Variants in HPCAL1 observed in about 807,000 individuals in gnomAD.
HPCAL1 encodes the protein hippocalcin-like protein 1.
A neutral mutation model predicts 17.1 loss-of-function variants in HPCAL1; 8 were observed. The ratio of observed to expected loss-of-function variants is 0.47; its 90% CI spans 0.27 to 0.84. The LOEUF (loss-of-function observed/expected upper bound fraction) is 0.84, where lower values mean the gene tolerates loss of function less well. Ranked by LOEUF, HPCAL1 falls within the 40% of genes least tolerant of loss-of-function variation. HPCAL1 has a pLI of 0.13. For synonymous variants in HPCAL1, 112 were observed against 111.4 expected (o/e 1.01, Z -0.03); for missense variants, 165 against 271.1 (o/e 0.61, Z 2.75).
chr2:10,306,002 C>T (rs1662599440), intron 1 of HPCAL1, among the ~76,000 whole-genome samples: 2 of 152,310 alleles, frequency 1.3e-5, no homozygotes, highest in Middle Eastern at 3.4e-3. Context: ...GCTGAGTGTG[C>T]GTCAGAGCAG....
chr2:10,400,178 C>T (rs370909288), intron 2 of HPCAL1, among the ~76,000 whole-genome samples: 8 of 152,238 alleles, frequency 5.3e-5, no homozygotes, highest in East Asian at 3.9e-4. Context: ...GACGTGCACC[C>T]GTGGCAAGGA....
Position 10,348,600 on chromosome 2 carries a change from C to CA in HPCAL1, c.-111+45436dup, listed in dbSNP as rs56194796. On this transcript the variant is annotated intron_variant, in intron 1 of 4. Transcript: ENST00000307845. Reference sequence around the variant, plus strand: ...GTAGCATAGCAAGATCCTGTCTCTACAAAAAAAAAAAAATATATATATATA... The same window carrying CA: ...GTAGCATAGCAAGATCCTGTCTCTACAAAAAAAAAAAAAATATATATATATA... Among the ~76,000 whole-genome samples the CA allele has an allele frequency of 6.6e-4, 96 of 144,394 alleles. 1 individual carries two copies. Among genetic ancestry groups the CA allele is most frequent in the African/African-American group, 1.7e-3 (66 of 38,716 alleles). The allele number at this position is 144,394 out of a possible 152,430, so 94.7% of individuals were successfully genotyped here.
In HPCAL1 at chr2:10,348,511, C is replaced by T. The variant is rs1029834501; in HGVS notation, c.-111+45334C>T. ...AGCTGTGGTGGTTCACACCTGTAAT[C>T]CCAGTGCTTTGGGAGACCAAGGTGG... On this transcript the variant is annotated intron_variant, in intron 1 of 4. Coordinates refer to ENST00000307845, the MANE Select transcript of HPCAL1 (RefSeq NM_002149.4). Among the ~76,000 whole-genome samples, 8 of 152,038 alleles carry T rather than the reference C, an allele frequency of 5.3e-5. No individual in the cohort carries two copies. The South Asian group carries it at 1.7e-3, about 32-fold the overall frequency.
intron 1 of HPCAL1, among the ~76,000 whole-genome samples, chr2:10,346,859 C>G (rs540595274): frequency 1.5e-5 from 2 of 136,026 alleles, no homozygotes; most frequent in Non-Finnish European, 1.6e-5. Context: ...CTCCCTCCCC[C>G]CACCCTCTTC....
chr2:10,398,636 T>G (rs1438269315), intron 2 of HPCAL1, among the ~76,000 whole-genome samples: 1 of 151,980 alleles, frequency 6.6e-6, no homozygotes, highest in African/African-American at 2.4e-5. Context: ...CGCACGCACG[T>G]GGTGTTTCCA....
intron 1 of HPCAL1, among the ~76,000 whole-genome samples, chr2:10,337,401 T>C (rs1292766678): frequency 1.3e-5 from 2 of 152,358 alleles, no homozygotes; most frequent in South Asian, 2.1e-4. Flanking sequence ...CTGTGAATTA[T>C]AGGTAATTAT....
Position 10,349,427 on chromosome 2 carries a change from G to A in HPCAL1, c.-111+46250G>A, listed in dbSNP as rs112763898. Among the ~76,000 whole-genome samples the A allele has an allele frequency of 9.8e-4, 149 of 152,046 alleles. 1 individual carries two copies. The highest frequency in any genetic ancestry group is 3.4e-3 in the African/African-American group (141 of 41,496). On this transcript the variant is annotated intron_variant, in intron 1 of 4. Coordinates refer to ENST00000307845, the MANE Select transcript of HPCAL1 (RefSeq NM_002149.4). ...AGGGGATCATAAAAATGATATAGAC[G>A]CCGGGCACGGTGGCTCACACCTGTA...
chr2:10,393,196 T>G (rs1029582675), intron 1 of HPCAL1, among the ~76,000 whole-genome samples: 1 of 152,260 alleles, frequency 6.6e-6, no homozygotes, highest in African/African-American at 2.4e-5. Context: ...TAATGACTTC[T>G]GCTACTTGAT....
At chr2:10,336,661 G>A (rs184500143) in intron 1 of HPCAL1, among the ~76,000 whole-genome samples, 1 of 152,204 alleles carries the variant, frequency 6.6e-6, no homozygotes, top group African/African-American at 2.4e-5. Context: ...CCCTCAGGGA[G>A]CCAGGCTTTC....
chr2:10,398,596 G>A (rs1383569643), intron 2 of HPCAL1, among the ~76,000 whole-genome samples: 1 of 152,148 alleles, frequency 6.6e-6, no homozygotes, highest in African/African-American at 2.4e-5. Context: ...GGCAGACCCC[G>A]GGCGTGGCTG....
At chr2:10,387,355 C>T (rs543814416) in intron 1 of HPCAL1, among the ~76,000 whole-genome samples, 18 of 152,364 alleles carry the variant, frequency 1.2e-4, no homozygotes, top group African/African-American at 2.2e-4. Flanking sequence ...CATGCGGTGA[C>T]GCACTGGGGA....
rs760673682 is a variant in HPCAL1 at position 10,423,039 on chromosome 2, G to A, written c.435G>A (p.Pro145=). Residue 145 remains proline, a synonymous_variant, in exon 4 of 5, where the codon CCG becomes CCA. Transcript: ENST00000307845. ...AGATGCCGGAGGATGAGTCCACCCCGGAGAAGCGCACAGACAAGATCTTCA... is the reference window on the plus strand; with the variant it reads ...AGATGCCGGAGGATGAGTCCACCCCAGAGAAGCGCACAGACAAGATCTTCA... The part of the protein sequence containing the change: ...VMKMPEDEST[P]EKRTDKIFRQ... 4.2e-5 allele frequency: 67 copies of A among 1,613,474 alleles called. No individual in the cohort carries two copies. The highest frequency in any genetic ancestry group is 6.7e-5 in the African/African-American group (5 of 74,946).
chr2:10,356,257 C>T lies in HPCAL1; in HGVS notation c.-110-40578C>T, dbSNP rs533237397. On this transcript the variant is annotated intron_variant, in intron 1 of 4. Coordinates refer to ENST00000307845, the MANE Select transcript of HPCAL1 (RefSeq NM_002149.4). Reference sequence around the variant, plus strand: ...CGCTCGCCTGGAAGAGAAGACAGGACGGGCCTATAGTGAATCATGAGTGCA... The same window carrying T: ...CGCTCGCCTGGAAGAGAAGACAGGATGGGCCTATAGTGAATCATGAGTGCA... 1.3e-4 allele frequency among the ~76,000 whole-genome samples: 20 copies of T among 152,258 alleles called. No individual in the cohort carries two copies. In the East Asian group the frequency reaches 1.5e-3, roughly 12 times the overall value.
chr2:10,334,513 TA>T (rs911230311), intron 1 of HPCAL1, among the ~76,000 whole-genome samples: 3 of 149,924 alleles, frequency 2.0e-5, no homozygotes, highest in East Asian at 1.9e-4. Context: ...ACCTTGTCTT[TA>T]AAAAAAAAGA....
intron 1 of HPCAL1, among the ~76,000 whole-genome samples, chr2:10,364,334 G>C (rs557673861): frequency 2.0e-5 from 3 of 152,218 alleles, no homozygotes; most frequent in Non-Finnish European, 2.9e-5. Flanking sequence ...TGAGCACCGA[G>C]AGGTGAGGGT....
chr2:10,341,613 G>A (rs1226291330), intron 1 of HPCAL1, among the ~76,000 whole-genome samples: 3 of 152,064 alleles, frequency 2.0e-5, no homozygotes, highest in African/African-American at 7.3e-5. Flanking sequence ...GAAAGCTGCT[G>A]AAGGACTTCA....
intron 1 of HPCAL1, among the ~76,000 whole-genome samples, chr2:10,381,153 C>T (rs904395567): frequency 1.3e-5 from 2 of 152,200 alleles, no homozygotes; most frequent in Admixed American, 6.5e-5. Context: ...CTGAGGTGTG[C>T]AGGTGCCCCT....
Position 10,354,829 on chromosome 2 carries a change from G to A in HPCAL1, c.-110-42006G>A, listed in dbSNP as rs751313872. 1.3e-5 allele frequency among the ~76,000 whole-genome samples: 2 copies of A among 152,260 alleles called. No homozygotes were observed. The highest frequency in any genetic ancestry group is 6.5e-5 in the Admixed American group (1 of 15,284). On this transcript the variant is annotated intron_variant, in intron 1 of 4. Transcript: ENST00000307845. The surrounding 1 kb of genome is among the most constrained non-coding windows in gnomAD (Gnocchi z 5.1). ...TCTTAAATACACAGCCCTGCGTGCT[G>A]ACCTTGTGTTAGAACTTAATGATGC...
intron 2 of HPCAL1, among the ~76,000 whole-genome samples, chr2:10,399,691 A>G (rs1209154768): frequency 6.6e-6 from 1 of 151,702 alleles, no homozygotes; most frequent in African/African-American, 2.4e-5. Context: ...GGTGATGGGC[A>G]CTGGAAGGGC....
Sources: allele counts gnomAD v4.1 joint callset (sites outside exome capture counted in the v4.1 genomes callset), GRCh38; gene constraint gnomAD v4.1.1; non-coding constraint Gnocchi (gnomAD v3.1); transcripts MANE v1.5; gene names NCBI Gene and HGNC (gene_info 2026-07-23, HGNC 2026-07-21).